The following KLHL14 variants were observed in gnomAD, a reference collection of about 807,000 sequenced individuals.
The protein encoded by KLHL14 is kelch like family member 14.
KLHL14 carries 22 observed loss-of-function variants against 64.3 expected under a neutral mutation model. That is an observed-to-expected ratio of 0.34 (90% CI 0.24 to 0.49). The LOEUF is 0.49. Among genes scored for constraint, KLHL14 ranks in the 20% least tolerant of loss-of-function variants. The pLI is 0.99. For synonymous variants in KLHL14, 322 were observed against 333.4 expected, an observed-to-expected ratio of 0.97 and a Z score of 0.37; for missense variants, 661 against 789.0, an observed-to-expected ratio of 0.84 and a Z score of 1.94.
Position 32,680,736 on chromosome 18 carries a change from T to A in KLHL14, c.1239-137A>T. The A allele has an allele frequency of 1.4e-6, 1 of 731,222 alleles. No homozygotes were observed. The highest frequency in any genetic ancestry group is 2.2e-6 in the Non-Finnish European group (1 of 452,398). The allele number at this position is 731,222 out of a possible 1,614,324, so 45.3% of individuals were successfully genotyped here. A position where few individuals can be genotyped will look rare whatever the true frequency, so the allele number is the denominator to read the frequency against. ...GAAAGGGTTGCAAATCTTTAAAAATTACACGTATACCTTATAATTCTGAGA... is the reference window on the plus strand; with the variant it reads ...GAAAGGGTTGCAAATCTTTAAAAATAACACGTATACCTTATAATTCTGAGA... On this transcript the variant is annotated intron_variant, in intron 5 of 8. Coordinates refer to ENST00000359358, the MANE Select transcript of KLHL14 (RefSeq NM_020805.3). This position sits in a 1 kb window ranked among gnomAD's most constrained non-coding sequence, Gnocchi z 4.8.
At position 32,680,510 on chromosome 18, in the gene KLHL14, C is replaced by T. The variant is rs2049833119; in HGVS notation, c.1328G>A (p.Cys443Tyr). ...NETGYLSSVE[C>Y]YNLETNEWRY... Reference sequence around the variant, plus strand: ...CCATTCATTCGTTTCTAGGTTATAGCACTCCACGCTGGACAAGTAGCCAGT... The same window carrying T: ...CCATTCATTCGTTTCTAGGTTATAGTACTCCACGCTGGACAAGTAGCCAGT... The change falls in exon 6 of 9, where the codon TGC becomes TAC. Residue 443 changes from cysteine to tyrosine, a missense_variant. Coordinates refer to ENST00000359358, the MANE Select transcript of KLHL14 (RefSeq NM_020805.3). The surrounding 1 kb of genome is among the most constrained non-coding windows in gnomAD (Gnocchi z 4.8). 2 of 1,613,942 alleles carry T rather than the reference C, an allele frequency of 1.2e-6. No individual in the cohort carries two copies. Among genetic ancestry groups the T allele is most frequent in the Non-Finnish European group, 1.7e-6 (2 of 1,179,910 alleles).
intron 2 of KLHL14, 114 bp downstream of exon 2, chr18:32,769,531 C>T: frequency 1.0e-6 from 1 of 961,870 alleles, no homozygotes; most frequent in Non-Finnish European, 1.5e-6. Context: ...TTCATCCTGC[C>T]AGAGCCACCC....
intron 5 of KLHL14, among the ~76,000 whole-genome samples, chr18:32,686,232 T>G (rs998388735): frequency 3.4e-4 from 50 of 147,222 alleles, no homozygotes; most frequent in African/African-American, 1.3e-3. Context: ...GGTTTCACCA[T>G]CTTGGCCAGG....
At chr18:32,760,365 TAC>T (rs1162669041) in intron 2 of KLHL14, among the ~76,000 whole-genome samples, 24 of 133,394 alleles carry the variant, frequency 1.8e-4, no homozygotes, top group African/African-American at 5.1e-4. Flanking sequence ...CACACACATA[TAC>T]ACACACACAC....
At chr18:32,676,234 T>C (rs905566526) in intron 8 of KLHL14, among the ~76,000 whole-genome samples, 1 of 152,182 alleles carries the variant, frequency 6.6e-6, no homozygotes, top group African/African-American at 2.4e-5. Context: ...TGGAGGACTA[T>C]TTCAAATGAC....
rs376039789 is a variant in KLHL14, at chr18:32,769,752, T to C, written c.840A>G (p.Ser280=). 6.2e-6 allele frequency: 10 copies of C among 1,605,258 alleles called. No individual in the cohort carries two copies. In the African/African-American group the frequency reaches 1.2e-4, roughly 19 times the overall value. The change falls in exon 2 of 9, where the codon TCA becomes TCG. Residue 280 remains serine (S), a synonymous_variant. Coordinates refer to ENST00000359358, the MANE Select transcript of KLHL14 (RefSeq NM_020805.3). ...PAPELVERVQ[S]VDFMRTDPVC... ...CCGGGTCGGTTCGCATGAAATCCAC[T>C]GACTGGACCCGCTCCACCAGCTCCG...
intron 2 of KLHL14, among the ~76,000 whole-genome samples, chr18:32,751,512 C>T (rs2050251658): frequency 6.6e-6 from 1 of 152,114 alleles, no homozygotes; most frequent in Non-Finnish European, 1.5e-5. Flanking sequence ...ACACAAGAAA[C>T]ATCTCCAGGG....
intron 3 of KLHL14, among the ~76,000 whole-genome samples, chr18:32,730,414 T>C (rs2050131700): frequency 6.6e-6 from 1 of 152,232 alleles, no homozygotes; most frequent in South Asian, 2.1e-4. Flanking sequence ...TCTCATGTAC[T>C]CTGTGTTCAG....
At chr18:32,718,942 A>C (rs2050060353) in intron 3 of KLHL14, among the ~76,000 whole-genome samples, 1 of 152,028 alleles carries the variant, frequency 6.6e-6, no homozygotes, top group Non-Finnish European at 1.5e-5. Context: ...TGATGGGAAC[A>C]TGAACTTTCT....
chr18:32,766,997 G>A (rs2144195062), intron 2 of KLHL14, among the ~76,000 whole-genome samples: 1 of 152,004 alleles, frequency 6.6e-6, no homozygotes, highest in African/African-American at 2.4e-5. Flanking sequence ...CCAAAAGACT[G>A]GTCAATTTTA....
chr18:32,748,596 C>T (rs1223937137), intron 2 of KLHL14, among the ~76,000 whole-genome samples: 2 of 151,918 alleles, frequency 1.3e-5, no homozygotes, highest in Non-Finnish European at 2.9e-5. Context: ...CCTGGTGATC[C>T]ACCCGCCTCG....
At chr18:32,710,544 G>A (rs1204294887) in intron 3 of KLHL14, among the ~76,000 whole-genome samples, 2 of 152,148 alleles carry the variant, frequency 1.3e-5, no homozygotes, top group Non-Finnish European at 2.9e-5. Flanking sequence ...ACTATGTGCT[G>A]TATATGAAAC....
chr18:32,766,696 T>C (rs1466345586), intron 2 of KLHL14, among the ~76,000 whole-genome samples: 1 of 152,126 alleles, frequency 6.6e-6, no homozygotes, highest in African/African-American at 2.4e-5. Context: ...ATTTTACTTA[T>C]TGTCCTTATG....
chr18:32,695,423 T>C (rs1239611884), intron 4 of KLHL14, 40 bp downstream of exon 4: 1 of 1,235,042 alleles, frequency 8.1e-7, no homozygotes, highest in South Asian at 1.2e-5. Flanking sequence ...ATTACACACA[T>C]ACTTGTTGAG....
chr18:32,748,710 T>C lies in KLHL14; in HGVS notation c.948-6661A>G, dbSNP rs142130695. Among the ~76,000 whole-genome samples, 1,030 of 151,216 alleles carry C rather than the reference T, an allele frequency of 6.8e-3. 13 individuals carry two copies. Among genetic ancestry groups the C allele is most frequent in the African/African-American group, 0.023 (963 of 41,116 alleles). ...TCACCATGTTGACCACGCTGGTCTC[T>C]GCCTCCTGACCTCAAGTGATCCCCC... is the stretch of plus-strand genomic sequence containing the variant. On this transcript the variant is annotated intron_variant, in intron 2 of 8. Coordinates refer to ENST00000359358, the MANE Select transcript of KLHL14 (RefSeq NM_020805.3).
At chr18:32,713,343 C>T (rs1219186762) in intron 3 of KLHL14, among the ~76,000 whole-genome samples, 2 of 152,230 alleles carry the variant, frequency 1.3e-5, no homozygotes, top group African/African-American at 2.4e-5. Context: ...CCCTTCCCAC[C>T]TAAGCCACTG....
At position 32,771,261 on chromosome 18, in the gene KLHL14, C is replaced by T. The variant is rs77270535; in HGVS notation, c.-43-627G>A. 4.0e-3 allele frequency among the ~76,000 whole-genome samples: 614 copies of T among 152,280 alleles called. 3 individuals carry two copies. The highest frequency in any genetic ancestry group is 0.014 in the African/African-American group (575 of 41,560). On this transcript the variant is annotated intron_variant, in intron 1 of 8. Transcript: ENST00000359358. ...TTATCCATGCTGCCCCGAGAAACTC[C>T]TAGGCTAATAGTCTGAGGGAGGAGA...
At chr18:32,768,508 G>A (rs1471421328) in intron 2 of KLHL14, among the ~76,000 whole-genome samples, 1 of 151,826 alleles carries the variant, frequency 6.6e-6, no homozygotes, top group African/African-American at 2.4e-5. Context: ...TGCCCTGCTA[G>A]ATTTTCAAAC....
chr18:32,683,619 T>C lies in KLHL14; in HGVS notation c.1239-3020A>G, dbSNP rs909839861. ...CTGTTTCTGTTTCAAATTGTTCATC[T>C]CTCCCTCCTTCAGCCTCCCCTGCCC... On this transcript the variant is annotated intron_variant, in intron 5 of 8. Transcript: ENST00000359358. This position sits in a 1 kb window ranked among gnomAD's most constrained non-coding sequence, Gnocchi z 4.2. Among the ~76,000 whole-genome samples, 1 of 152,172 alleles carries C rather than the reference T, an allele frequency of 6.6e-6. No homozygotes were observed. The highest frequency in any genetic ancestry group is 1.5e-5 in the Non-Finnish European group (1 of 68,030).
Sources: allele counts gnomAD v4.1 joint callset (sites outside exome capture counted in the v4.1 genomes callset), GRCh38; gene constraint gnomAD v4.1.1; non-coding constraint Gnocchi (gnomAD v3.1); transcripts MANE v1.5; gene names NCBI Gene and HGNC (gene_info 2026-07-23, HGNC 2026-07-21).